Variants in ARL6 observed in about 807,000 individuals in gnomAD.
ARL6 encodes the protein ARF like GTPase 6.
In ARL6, 18 loss-of-function variants were observed where a neutral mutation model predicts 27.1. The observed-to-expected ratio is 0.66, with a 90% CI of 0.46 to 0.98. The LOEUF is 0.98. Ranked by LOEUF, ARL6 falls within the 50% of genes least tolerant of loss-of-function variation. The pLI is 0.00. For synonymous variants in ARL6, 65 were observed against 72.3 expected, an observed-to-expected ratio of 0.90 and a Z score of 0.51; for missense variants, 187 against 214.9, an observed-to-expected ratio of 0.87 and a Z score of 0.81.
chr3:97,787,215 G>A (rs752926972), intron 5 of ARL6, among the ~76,000 whole-genome samples: 10 of 152,036 alleles, frequency 6.6e-5, no homozygotes, highest in Non-Finnish European at 1.5e-4. Flanking sequence ...ATTCCAGAAC[G>A]GTTAAAATAA....
intron 2 of ARL6, among the ~76,000 whole-genome samples, chr3:97,769,532 A>G (rs1488631366): frequency 6.6e-6 from 1 of 152,108 alleles, no homozygotes; most frequent in Non-Finnish European, 1.5e-5. Flanking sequence ...TCTTTTTTGT[A>G]TGTTCAGAAC....
At chr3:97,798,001 T>G (rs2038084081) in intron 7 of ARL6, 23 bp from the exon 8 acceptor site, 1 of 1,611,152 alleles carries the variant, frequency 6.2e-7, no homozygotes. Context: ...GATTGATAAT[T>G]TTTGTTTGTT....
chr3:97,775,376 G>C (rs1004311564), intron 2 of ARL6, among the ~76,000 whole-genome samples: 2 of 152,140 alleles, frequency 1.3e-5, no homozygotes, highest in African/African-American at 4.8e-5. Context: ...TGAAGAACTT[G>C]AAGTCTGATG....
intron 7 of ARL6, among the ~76,000 whole-genome samples, chr3:97,795,076 A>G (rs116198538): frequency 0.014 from 2,098 of 152,276 alleles, 50 homozygotes; most frequent in African/African-American, 0.048. Flanking sequence ...GACTGTCTCA[A>G]AAAAATTTAA....
At chr3:97,785,315 T>TTG (rs2037399318) in intron 5 of ARL6, among the ~76,000 whole-genome samples, 1 of 62,148 alleles carries the variant, frequency 1.6e-5, no homozygotes, top group Non-Finnish European at 4.4e-5. Context: ...TTTTTTCTGA[T>TTG]TACATAAATT....
At chr3:97,792,083 A>C in intron 7 of ARL6, 1 of 397,620 alleles carries the variant, frequency 2.5e-6, no homozygotes. Flanking sequence ...AAACAATTTA[A>C]ACTTATAGCA....
Position 97,798,808 on chromosome 3 carries a change from C to T in ARL6, c.*759C>T, listed in dbSNP as rs1041526377. ...CCATGGATAGTATCTAATTTTATTT[C>T]ATTGGCTGAATGAAAATATTGCATC... On this transcript the variant is annotated 3_prime_UTR_variant, in exon 8 of 8. Coordinates refer to ENST00000463745, the MANE Select transcript of ARL6 (RefSeq NM_001278293.3). The T allele has an allele frequency of 1.3e-5, 2 of 151,988 alleles. No individual in the cohort carries two copies. The highest frequency in any genetic ancestry group is 4.8e-5 in the African/African-American group (2 of 41,414). The allele number at this position is 151,988 out of a possible 1,614,324, so 9.4% of individuals were successfully genotyped here. A position where few individuals can be genotyped will look rare whatever the true frequency, so the allele number is the denominator to read the frequency against.
chr3:97,779,074 G>T (rs1337434304), intron 2 of ARL6, among the ~76,000 whole-genome samples: 1 of 152,168 alleles, frequency 6.6e-6, no homozygotes. Flanking sequence ...CATTTTAATT[G>T]TCAGTGGGAT....
chr3:97,765,211 G>GTGT lies in ARL6; in HGVS notation c.-28+234_-28+235insTGT, dbSNP rs1553688332. Among the ~76,000 whole-genome samples, 96 of 105,610 alleles carry GTGT rather than the reference G, an allele frequency of 9.1e-4. No individual in the cohort carries two copies. In the East Asian group the frequency reaches 0.016, roughly 17 times the overall value. The allele number at this position is 105,610 out of a possible 152,430, so 69.3% of individuals were successfully genotyped here. ...GCTCAACTTAGACCCGTGTATTGGG[G>GTGT]GTGTGTGTGTGTGTGTGTGTGTGTG... On this transcript the variant is annotated intron_variant, in intron 1 of 7. Transcript: ENST00000463745.
intron 7 of ARL6, among the ~76,000 whole-genome samples, chr3:97,797,204 G>A (rs953516047): frequency 6.6e-6 from 1 of 152,148 alleles, no homozygotes; most frequent in Non-Finnish European, 1.5e-5. Context: ...CTGTGGAAGA[G>A]TTCTTCAAGA....
In ARL6 at chr3:97,790,187, A is replaced by C. The variant is rs180982383; in HGVS notation, c.480-1584A>C. Among the ~76,000 whole-genome samples the C allele has an allele frequency of 2.0e-5, 3 of 151,988 alleles. No individual in the cohort carries two copies. In the East Asian group the frequency reaches 5.8e-4, roughly 29 times the overall value. On this transcript the variant is annotated intron_variant, in intron 6 of 7. Transcript: ENST00000463745. ...AATGTCAGCTGGGAAGATGAGAAAA[A>C]ATAAAGTATGATAATAAGAGAAAGA...
At chr3:97,782,109 G>A (rs2037228064) in intron 4 of ARL6, among the ~76,000 whole-genome samples, 2 of 151,920 alleles carry the variant, frequency 1.3e-5, no homozygotes, top group African/African-American at 4.8e-5. Context: ...AAAGTGGCAT[G>A]TTTGTGGTAT....
rs1185274672 is a variant in ARL6 at position 97,798,400 on chromosome 3, T to A, written c.*351T>A. The A allele has an allele frequency of 1.2e-5, 2 of 164,694 alleles. No individual in the cohort carries two copies. Among genetic ancestry groups the A allele is most frequent in the African/African-American group, 4.8e-5 (2 of 41,842 alleles). 10.2% of individuals were successfully genotyped at this position (164,694 alleles called of 1,614,324 possible). A position where few individuals can be genotyped will look rare whatever the true frequency, so the allele number is the denominator to read the frequency against. ...ATTTTTTAATTGTCTTTTTAAAAAA[T>A]TTAGTTTATGACTTTGCAGTATGAA... On this transcript the variant is annotated 3_prime_UTR_variant, in exon 8 of 8. Transcript: ENST00000463745.
intron 6 of ARL6, among the ~76,000 whole-genome samples, chr3:97,790,474 C>A (rs1180419104): frequency 1.3e-5 from 2 of 151,796 alleles, no homozygotes; most frequent in African/African-American, 4.8e-5. Flanking sequence ...TCGCTTTATT[C>A]TTATTTATTT....
intron 7 of ARL6, among the ~76,000 whole-genome samples, chr3:97,797,628 G>A (rs2038066659): frequency 6.6e-6 from 1 of 152,174 alleles, no homozygotes; most frequent in Non-Finnish European, 1.5e-5. Flanking sequence ...GGAGTTATAA[G>A]TAGTTGCCCC....
chr3:97,792,463 C>A (rs2037787103), intron 7 of ARL6, among the ~76,000 whole-genome samples: 1 of 152,056 alleles, frequency 6.6e-6, no homozygotes, highest in Non-Finnish European at 1.5e-5. Context: ...AGCCTGGCAA[C>A]AAAGCAAGAC....
intron 7 of ARL6, 184 bp downstream of exon 7, chr3:97,792,010 C>T (rs2037764929): frequency 1.7e-6 from 1 of 580,716 alleles, no homozygotes; most frequent in Non-Finnish European, 3.0e-6. Context: ...TCACATATTG[C>T]TAAAGGATTT....
chr3:97,769,264 G>C (rs2036531044), intron 2 of ARL6, among the ~76,000 whole-genome samples: 1 of 152,124 alleles, frequency 6.6e-6, no homozygotes, highest in East Asian at 1.9e-4. Flanking sequence ...TTAGAATAGG[G>C]AGAGAGGGAG....
chr3:97,787,718 T>A lies in ARL6; in HGVS notation c.350-272T>A, dbSNP rs182359546. On this transcript the variant is annotated intron_variant, in intron 5 of 7. Transcript: ENST00000463745. ...TAATGCTTTTTTGTAGGTACTTCTCTGTAATGCTTATTGAGCTCCAGTCCC... is the reference window on the plus strand; with the variant it reads ...TAATGCTTTTTTGTAGGTACTTCTCAGTAATGCTTATTGAGCTCCAGTCCC... Among the ~76,000 whole-genome samples, 387 of 152,284 alleles carry A rather than the reference T, an allele frequency of 2.5e-3. 5 individuals are homozygous for A. Among genetic ancestry groups the A allele is most frequent in the African/African-American group, 8.4e-3 (351 of 41,552 alleles).
Sources: gnomAD v4.1 joint callset for allele counts (sites outside exome capture counted in the v4.1 genomes callset) on GRCh38, gnomAD v4.1.1 for gene constraint, MANE v1.5 for transcripts, NCBI Gene and HGNC (gene_info 2026-07-23, HGNC 2026-07-21) for gene names.